KCNIP4: variants seen among roughly 807,000 people sequenced by gnomAD.
The protein encoded by KCNIP4 is Kv channel-interacting protein 4.
A neutral mutation model predicts 34.0 loss-of-function variants in KCNIP4; 12 were observed. That is an observed-to-expected ratio of 0.35 (90% CI 0.23 to 0.57). KCNIP4 has a LOEUF of 0.57. Ranked by LOEUF, KCNIP4 falls within the 20% of genes least tolerant of loss-of-function variation. The probability of loss-of-function intolerance (pLI) is 0.83; values close to 1 mark genes in which losing one functional copy is unlikely to be tolerated. For missense variants in KCNIP4, 238 were observed against 311.7 expected (o/e 0.76, Z 1.78); for synonymous variants, 124 against 102.2 (o/e 1.21, Z -1.29).
rs371835619 is a variant in KCNIP4 at position 21,720,687 on chromosome 4, C to G, written c.61+227884G>C. On this transcript the variant is annotated intron_variant, in intron 1 of 8. Coordinates refer to ENST00000382152, the MANE Select transcript of KCNIP4 (RefSeq NM_025221.6). Reference sequence around the variant, plus strand: ...CTAATGCTATCCCTCCCCCCTCCCCCACCCCACAACAGGCCCCAGTGTGTG... The same window carrying G: ...CTAATGCTATCCCTCCCCCCTCCCCGACCCCACAACAGGCCCCAGTGTGTG... Among the ~76,000 whole-genome samples the G allele has an allele frequency of 2.1e-4, 30 of 140,962 alleles. No individual in the cohort carries two copies. In the East Asian group the frequency reaches 3.6e-3, roughly 17 times the overall value. The allele number at this position is 140,962 out of a possible 152,430, so 92.5% of individuals were successfully genotyped here.
intron 1 of KCNIP4, among the ~76,000 whole-genome samples, chr4:21,244,783 T>C (rs1577953556): frequency 6.6e-6 from 1 of 152,220 alleles, no homozygotes; most frequent in African/African-American, 2.4e-5. Context: ...ATGAGACACT[T>C]CTCTAAGACC....
chr4:20,731,495 G>GTT, intron 8 of KCNIP4: 1 of 970,472 alleles, frequency 1.0e-6, no homozygotes, highest in Non-Finnish European at 1.2e-6. Context: ...ATTTTCCACT[G>GTT]TTTATTTTTT....
chr4:20,980,544 T>C (rs761881862), intron 1 of KCNIP4, among the ~76,000 whole-genome samples: 1 of 152,188 alleles, frequency 6.6e-6, no homozygotes, highest in African/African-American at 2.4e-5. Flanking sequence ...TTAACCCTTT[T>C]CTATCTGTGT....
Position 21,426,797 on chromosome 4 carries a change from T to G in KCNIP4, c.61+521774A>C, listed in dbSNP as rs1725966965. Among the ~76,000 whole-genome samples the G allele has an allele frequency of 2.0e-5, 3 of 152,168 alleles. No homozygotes were observed. The South Asian group carries it at 6.2e-4, about 31-fold the overall frequency. ...AAAAATTAGTTTTAAGGCTTTTAAT[T>G]TTTTCTCCATTGTTTCCAAACCTTC... On this transcript the variant is annotated intron_variant, in intron 1 of 8. Coordinates refer to ENST00000382152, the MANE Select transcript of KCNIP4 (RefSeq NM_025221.6).
rs191471864 is a variant in KCNIP4, at chr4:21,337,077, G to A, written c.62-454368C>T. ...GCAGGTGGGGTCGTAAAAGAAGACA[G>A]TGAAGGGAGAGGGGCAAGGATAGGG... On this transcript the variant is annotated intron_variant, in intron 1 of 8. Coordinates refer to ENST00000382152, the MANE Select transcript of KCNIP4 (RefSeq NM_025221.6). Among the ~76,000 whole-genome samples the A allele has an allele frequency of 1.6e-4, 25 of 152,148 alleles. No individual in the cohort carries two copies. The East Asian group carries it at 4.9e-3, about 30-fold the overall frequency.
Position 21,948,618 on chromosome 4 carries a change from C to G in KCNIP4, c.14G>C (p.Arg5Thr). 1 of 1,613,574 alleles carries G rather than the reference C, an allele frequency of 6.2e-7. No homozygotes were observed. Among genetic ancestry groups the G allele is most frequent in the Non-Finnish European group, 8.5e-7 (1 of 1,179,772 alleles). Residue 5 changes from arginine (R) to threonine (T), a missense_variant, in exon 1 of 9, where the codon AGG becomes ACG. Arg to Thr is a moderately conservative substitution (Grantham distance 71). Transcript: ENST00000382152. ...CAGCTGAGCCGAAATGCTTTCCACC[C>G]TCCTCACATTCATGTCTAGGGACGC... MNVR[R>T]VESISAQLEE...
At chr4:21,001,432 G>A (rs1048589112) in intron 1 of KCNIP4, among the ~76,000 whole-genome samples, 30 of 152,178 alleles carry the variant, frequency 2.0e-4, no homozygotes, top group African/African-American at 7.2e-4. Context: ...GTTTATTTGG[G>A]TGATAAGATG....
At position 20,729,601 on chromosome 4, in the gene KCNIP4, A is replaced by AAAGTATATAAATGGAATT. The variant is rs1160567555; in HGVS notation, c.*463_*480dup. 8.0e-6 allele frequency: 1 copy of AAAGTATATAAATGGAATT among 124,252 alleles called. No homozygotes were observed. The highest frequency in any genetic ancestry group is 2.0e-4 in the East Asian group (1 of 5,064). 7.7% of individuals were successfully genotyped at this position (124,252 alleles called of 1,614,324 possible). On this transcript the variant is annotated 3_prime_UTR_variant, in exon 9 of 9. Coordinates refer to ENST00000382152, the MANE Select transcript of KCNIP4 (RefSeq NM_025221.6). ...TTAATTGTTGTAATCTTGTTTCCTT[A>AAAGTATATAAATGGAATT]AAGTATATAAATGGAATTTAAATGG... is the stretch of plus-strand genomic sequence containing the variant.
At chr4:21,945,068 T>C (rs1272737161) in intron 1 of KCNIP4, among the ~76,000 whole-genome samples, 1 of 152,132 alleles carries the variant, frequency 6.6e-6, no homozygotes, top group Non-Finnish European at 1.5e-5. Flanking sequence ...CTGTTATGTA[T>C]TATTGAAAAG....
At chr4:20,987,007 C>T (rs1046325654) in intron 1 of KCNIP4, among the ~76,000 whole-genome samples, 1 of 152,074 alleles carries the variant, frequency 6.6e-6, no homozygotes, top group African/African-American at 2.4e-5. Context: ...TTCACATGCA[C>T]CCCCAGCTGT....
intron 1 of KCNIP4, among the ~76,000 whole-genome samples, chr4:21,183,463 G>GT (rs1240932865): frequency 1.5e-5 from 2 of 130,816 alleles, no homozygotes; most frequent in Non-Finnish European, 3.2e-5. Context: ...TGGCTGTGTT[G>GT]TTTTTGTTTT....
intron 1 of KCNIP4, among the ~76,000 whole-genome samples, chr4:21,361,262 T>C (rs1439833956): frequency 2.6e-5 from 4 of 152,086 alleles, no homozygotes; most frequent in Non-Finnish European, 4.4e-5. Flanking sequence ...CTTCAGATTC[T>C]CCATCTATAA....
In KCNIP4 at chr4:20,992,614, C is replaced by T. The variant is rs562390290; in HGVS notation, c.62-109905G>A. On this transcript the variant is annotated intron_variant, in intron 1 of 8. Coordinates refer to ENST00000382152, the MANE Select transcript of KCNIP4 (RefSeq NM_025221.6). ...TCCCCCACCCCACATACAATTATCA[C>T]CCGGATCGGATCATTTTCCTTATCT... 5.3e-5 allele frequency among the ~76,000 whole-genome samples: 8 copies of T among 152,254 alleles called. 1 individual carries two copies. Among genetic ancestry groups the T allele is most frequent in the African/African-American group, 1.7e-4 (7 of 41,540 alleles).
intron 1 of KCNIP4, among the ~76,000 whole-genome samples, chr4:20,918,608 A>G (rs1275214315): frequency 6.6e-6 from 1 of 152,182 alleles, no homozygotes; most frequent in Non-Finnish European, 1.5e-5. Flanking sequence ...ATGCCGTACT[A>G]GGAACTGGAA....
chr4:20,745,223 T>G (rs58385648), intron 5 of KCNIP4, among the ~76,000 whole-genome samples: 17,150 of 152,142 alleles, frequency 0.11, 1,134 homozygotes, highest in South Asian at 0.19. Context: ...CATTTTTTTT[T>G]GTCACTTGGT....
At chr4:21,184,334 T>A (rs1236840787) in intron 1 of KCNIP4, among the ~76,000 whole-genome samples, 1 of 152,178 alleles carries the variant, frequency 6.6e-6, no homozygotes, top group Non-Finnish European at 1.5e-5. Context: ...ACAGTAAGAA[T>A]CTTAGCCCTC....
At chr4:21,850,647 C>G (rs1180697536) in intron 1 of KCNIP4, 1 of 151,892 alleles carries the variant, frequency 6.6e-6, no homozygotes, top group Admixed American at 6.5e-5. Flanking sequence ...TTATGAACCA[C>G]AGAAAACAAA....
At chr4:21,784,925 T>C (rs1340075250) in intron 1 of KCNIP4, among the ~76,000 whole-genome samples, 2 of 152,224 alleles carry the variant, frequency 1.3e-5, no homozygotes, top group African/African-American at 4.8e-5. Flanking sequence ...ATTTCTTGCA[T>C]GCAAACAGTC....
Position 20,956,714 on chromosome 4 carries a change from T to C in KCNIP4, c.62-74005A>G, listed in dbSNP as rs891929630. Among the ~76,000 whole-genome samples, 9 of 152,298 alleles carry C rather than the reference T, an allele frequency of 5.9e-5. No individual in the cohort carries two copies. In the East Asian group the frequency reaches 1.2e-3, roughly 20 times the overall value. On this transcript the variant is annotated intron_variant, in intron 1 of 8. Transcript: ENST00000382152. ...TCTTTTTATGATTAATAAATATGGT[T>C]TTTAAATTTGACTTTAAGCATCCTA...
Sources: allele counts gnomAD v4.1 joint callset (sites outside exome capture counted in the v4.1 genomes callset), GRCh38; gene constraint gnomAD v4.1.1; transcripts MANE v1.5; gene names NCBI Gene and HGNC (gene_info 2026-07-23, HGNC 2026-07-21).